The following CARNS1 variants were observed in gnomAD, a reference collection of about 807,000 sequenced individuals.
CARNS1 encodes the protein ATP-grasp domain containing 1.
Under a neutral mutation model 74.0 loss-of-function variants are expected in CARNS1, and 61 were observed. The observed-to-expected ratio is 0.82, with a 90% CI of 0.67 to 1.02. CARNS1 has a LOEUF of 1.02. Ranked by LOEUF, CARNS1 falls within the 50% of genes least tolerant of loss-of-function variation. CARNS1 has a pLI of 0.00. For synonymous variants in CARNS1, 568 were observed against 605.5 expected, an observed-to-expected ratio of 0.94 and a Z score of 0.91; for missense variants, 1,278 against 1,308.4, an observed-to-expected ratio of 0.98 and a Z score of 0.36.
chr11:67,419,255 T>A lies in CARNS1; in HGVS notation c.852+12T>A, dbSNP rs776827156. 63 of 1,468,804 alleles carry A rather than the reference T, an allele frequency of 4.3e-5. 1 individual carries two copies. The Admixed American group carries it at 1.5e-3, about 35-fold the overall frequency. The allele number at this position is 1,468,804 out of a possible 1,614,324, so 91.0% of individuals were successfully genotyped here. The stretch of plus-strand genomic sequence containing the variant: ...GTGATATCCTGCAGGTAACAGACTC[T>A]CGCCCACCCTGAGGTCTGTACAGAT... On this transcript the variant is annotated intron_variant, in intron 5 of 9. Transcript: ENST00000687366.
chr11:67,424,860 G>GCC lies in CARNS1; in HGVS notation c.*260_*261dup, dbSNP rs1863794721. ...TTCTAGCCTTGGAGAAATGACAATGGCCACACACACACACACACACACACA... is the reference window on the plus strand; with the variant it reads ...TTCTAGCCTTGGAGAAATGACAATGGCCCCACACACACACACACACACACACA... On this transcript the variant is annotated 3_prime_UTR_variant, in exon 10 of 10. Coordinates refer to ENST00000687366, the MANE Select transcript of CARNS1 (RefSeq NM_001166222.2). 8.1e-5 allele frequency: 40 copies of GCC among 496,250 alleles called. No homozygotes were observed. Among genetic ancestry groups the GCC allele is most frequent in the South Asian group, 7.2e-4 (39 of 54,166 alleles). 30.7% of individuals were successfully genotyped at this position (496,250 alleles called of 1,614,324 possible).
chr11:67,423,250 C>T lies in CARNS1; in HGVS notation c.1627-125C>T. The T allele has an allele frequency of 2.1e-6, 2 of 940,934 alleles. No individual in the cohort carries two copies. The highest frequency in any genetic ancestry group is 3.2e-6 in the Non-Finnish European group (2 of 625,866). The allele number at this position is 940,934 out of a possible 1,614,324, so 58.3% of individuals were successfully genotyped here. A position where few individuals can be genotyped will look rare whatever the true frequency, so the allele number is the denominator to read the frequency against. On this transcript the variant is annotated intron_variant, in intron 9 of 9. Coordinates refer to ENST00000687366, the MANE Select transcript of CARNS1 (RefSeq NM_001166222.2). The surrounding 1 kb of genome is among the most constrained non-coding windows in gnomAD (Gnocchi z 5.1). ...ATTTATTCAGTCAATCCACAACACA[C>T]ATTTATTGAGCACCTAGTGTTTGTG...
chr11:67,418,900 G>A lies in CARNS1; in HGVS notation c.509G>A (p.Arg170His), dbSNP rs368228836. ...LTFLDDFVPP[R>H]RATYFLAGLG... ...TTCCTGGATGACTTTGTCCCCCCGC[G>A]CCGTGCCACCTACTTTTTGGCAGGC... The change falls in exon 5 of 10, where the codon CGC (arginine) becomes CAC (histidine). Residue 170 changes from arginine to histidine, a missense_variant. Physicochemically the swap from Arg to His is conservative, Grantham distance 29. This residue lies in a region of CARNS1 where 1,164 missense variants were observed against 1,156.5 expected (regional missense o/e 1.01). Coordinates refer to ENST00000687366, the MANE Select transcript of CARNS1 (RefSeq NM_001166222.2). 7 of 1,595,260 alleles carry A rather than the reference G, an allele frequency of 4.4e-6. No homozygotes were observed. The highest frequency in any genetic ancestry group is 4.3e-6 in the Non-Finnish European group (5 of 1,170,808).
At position 67,424,747 on chromosome 11, in the gene CARNS1, G is replaced by A; in HGVS notation, c.*146G>A. 1 of 987,568 alleles carries A rather than the reference G, an allele frequency of 1.0e-6. No individual in the cohort carries two copies. Among genetic ancestry groups the A allele is most frequent in the Non-Finnish European group, 1.5e-6 (1 of 687,838 alleles). The allele number at this position is 987,568 out of a possible 1,614,324, so 61.2% of individuals were successfully genotyped here. A position where few individuals can be genotyped will look rare whatever the true frequency, so the allele number is the denominator to read the frequency against. On this transcript the variant is annotated 3_prime_UTR_variant, in exon 10 of 10. Transcript: ENST00000687366. ...CAATGCCTAGGTCTGTTCCAGAGCA[G>A]CAGGGCAATTTAGACACCAAGGCAT...
chr11:67,422,093 C>T (rs186765529), intron 9 of CARNS1, among the ~76,000 whole-genome samples: 3,765 of 149,742 alleles, frequency 0.025, 61 homozygotes, highest in East Asian at 0.05. Flanking sequence ...AGGATGGTCT[C>T]GATCTCCTGA....
chr11:67,424,423 G>A lies in CARNS1; in HGVS notation c.2675G>A (p.Arg892His), dbSNP rs772366165. ...GCCCTGCACGACCGTGGACTGCTACGCCTCAATCTGCTGGAGGAGGCCCTG... is the reference window on the plus strand; with the variant it reads ...GCCCTGCACGACCGTGGACTGCTACACCTCAATCTGCTGGAGGAGGCCCTG... ...LQALHDRGLL[R>H]LNLLEEALVP... Residue 892 changes from arginine (R) to histidine (H), a missense_variant, in exon 10 of 10, where the codon CGC (arginine) becomes CAC (histidine). Arg to His is a conservative substitution (Grantham distance 29). Coordinates refer to ENST00000687366, the MANE Select transcript of CARNS1 (RefSeq NM_001166222.2). The A allele has an allele frequency of 1.6e-5, 25 of 1,588,126 alleles. No homozygotes were observed. Among genetic ancestry groups the A allele is most frequent in the Middle Eastern group, 2.0e-4 (1 of 4,916 alleles).
chr11:67,416,916 A>C, intron 2 of CARNS1: 1 of 987,186 alleles, frequency 1.0e-6, no homozygotes, highest in Non-Finnish European at 1.2e-6. Context: ...TGACAGTGGA[A>C]TCACATTTAG....
Position 67,418,648 on chromosome 11 carries a change from T to C in CARNS1, c.365-108T>C, listed in dbSNP as rs78200432. ...CATTCCACCGGAGCAGCTGCCATGC[T>C]GAATGGGGATGGGTTCTGGGATCAG... On this transcript the variant is annotated intron_variant, in intron 4 of 9. Coordinates refer to ENST00000687366, the MANE Select transcript of CARNS1 (RefSeq NM_001166222.2). The C allele has an allele frequency of 1.2e-3, 1,759 of 1,444,138 alleles. 13 individuals carry two copies. The African/African-American group carries it at 0.014, about 12-fold the overall frequency. The allele number at this position is 1,444,138 out of a possible 1,614,324, so 89.5% of individuals were successfully genotyped here.
intron 9 of CARNS1, among the ~76,000 whole-genome samples, chr11:67,422,644 C>T (rs1158656772): frequency 6.6e-6 from 1 of 152,150 alleles, no homozygotes; most frequent in African/African-American, 2.4e-5. Flanking sequence ...CATTCTTATC[C>T]CCATTGAACA....
chr11:67,415,784 C>T (rs1330817644), intron 1 of CARNS1, 21 bp downstream of exon 1: 1 of 155,814 alleles, frequency 6.4e-6, no homozygotes, highest in Non-Finnish European at 1.4e-5. Context: ...TCCGGCCCCG[C>T]CCCGGGGAGA....
In CARNS1 at chr11:67,419,559, G is replaced by T. The variant is rs1411631801; in HGVS notation, c.925G>T (p.Gly309Cys). ...GCGTCTGCACCCGCGGGCAGAGCTG[G>T]GTGCAGTGGTGGACACAGTGCTGGC... ...AWRLHPRAEL[G>C]AVVDTVLALL... Residue 309 changes from glycine to cysteine, a missense_variant, in exon 6 of 10, where the codon GGT becomes TGT. By Grantham distance (159) the Gly-to-Cys change is radical. Transcript: ENST00000687366. The T allele has an allele frequency of 9.3e-6, 15 of 1,607,336 alleles. No homozygotes were observed. Among genetic ancestry groups the T allele is most frequent in the Non-Finnish European group, 1.2e-5 (14 of 1,178,532 alleles).
In CARNS1 at chr11:67,419,038, C is replaced by G. The variant is rs1316270837; in HGVS notation, c.647C>G (p.Thr216Arg). 6.4e-7 allele frequency: 1 copy of G among 1,557,698 alleles called. No homozygotes were observed. Among genetic ancestry groups the G allele is most frequent in the South Asian group, 1.2e-5 (1 of 84,584 alleles). Residue 216 changes from threonine to arginine, a missense_variant, in exon 5 of 10, where the codon ACA becomes AGA. Physicochemically the swap from Thr to Arg is moderately conservative, Grantham distance 71. Transcript: ENST00000687366. ...CGGCTGCTGGAGGACCGGCTGCTGA[C>G]AAGGCAGTTGCTGGCCCAGCAGGGT... ...LARLLEDRLL[T>R]RQLLAQQGGV... is the part of the protein sequence containing the mutation.
chr11:67,419,613 A>AGTGTCCTG lies in CARNS1; in HGVS notation c.983_990dup (p.Glu331SerfsTer42). On this transcript the variant is annotated frameshift_variant, in exon 6 of 10. Transcript: ENST00000687366. LOFTEE classifies it high-confidence loss of function. ...GCTGGAGAAGCTGGAGGAGGAGGAG[A>AGTGTCCTG]GTGTCCTGGTGGAGGCTGTGTACCC... is the stretch of plus-strand genomic sequence containing the variant. 2 of 1,603,040 alleles carry AGTGTCCTG rather than the reference A, an allele frequency of 1.2e-6. No homozygotes were observed. Among genetic ancestry groups the AGTGTCCTG allele is most frequent in the Non-Finnish European group, 1.7e-6 (2 of 1,176,290 alleles).
At chr11:67,421,382 A>G (rs974146101) in intron 9 of CARNS1, among the ~76,000 whole-genome samples, 163 bp downstream of exon 9, 15 of 152,174 alleles carry the variant, frequency 9.9e-5, no homozygotes, top group Non-Finnish European at 1.9e-4. Context: ...AAGTAAGCCC[A>G]GGAGTAAGGG....
At position 67,419,514 on chromosome 11, in the gene CARNS1, T is replaced by C; in HGVS notation, c.880T>C (p.Trp294Arg). Residue 294 changes from tryptophan (W) to arginine (R), a missense_variant, in exon 6 of 10, where the codon TGG (tryptophan) becomes CGG (arginine). Physicochemically the swap from Trp to Arg is moderately radical, Grantham distance 101. Coordinates refer to ENST00000687366, the MANE Select transcript of CARNS1 (RefSeq NM_001166222.2). The part of the protein sequence containing the change: ...QVAVKLSGWR[W>R]RGRQAWRLHP... ...AGCTGTGAAGCTCAGTGGCTGGCGC[T>C]GGCGGGGGCGGCAGGCATGGCGTCT... is the stretch of plus-strand genomic sequence containing the variant. 1 of 1,610,762 alleles carries C rather than the reference T, an allele frequency of 6.2e-7. No homozygotes were observed. Among genetic ancestry groups the C allele is most frequent in the Non-Finnish European group, 8.5e-7 (1 of 1,179,424 alleles).
chr11:67,418,747 T>C lies in CARNS1; in HGVS notation c.365-9T>C. On this transcript the variant is annotated splice_polypyrimidine_tract_variant and intron_variant, in intron 4 of 9. Transcript: ENST00000687366. ...TCCCTGGCCAGCCACTTGCCTTCTC[T>C]GCCCACAGGAAACATGCTCCTTTGC... The C allele has an allele frequency of 6.4e-7, 1 of 1,572,468 alleles. No individual in the cohort carries two copies. Among genetic ancestry groups the C allele is most frequent in the Non-Finnish European group, 8.6e-7 (1 of 1,157,736 alleles).
At chr11:67,418,003 G>T (rs1863591073) in intron 3 of CARNS1, among the ~76,000 whole-genome samples, 1 of 152,192 alleles carries the variant, frequency 6.6e-6, no homozygotes, top group African/African-American at 2.4e-5. Flanking sequence ...CAGCAGCTGA[G>T]ACCCCCCAGA....
chr11:67,421,370 A>T (rs1311258409), intron 9 of CARNS1, among the ~76,000 whole-genome samples, 151 bp downstream of exon 9: 2 of 152,192 alleles, frequency 1.3e-5, no homozygotes, highest in Non-Finnish European at 2.9e-5. Flanking sequence ...CTGGCCAGGT[A>T]CAAGTAAGCC....
chr11:67,419,665 A>G lies in CARNS1; in HGVS notation c.1027+4A>G. On this transcript the variant is annotated splice_donor_region_variant and intron_variant, in intron 6 of 9. Transcript: ENST00000687366. ...CCTGCCCAGCTGCCCTGCTCAGGTG[A>G]GAGCCACCTGGGCTGACCAGGGATG... 6.3e-7 allele frequency: 1 copy of G among 1,592,354 alleles called. No homozygotes were observed. Among genetic ancestry groups the G allele is most frequent in the Non-Finnish European group, 8.5e-7 (1 of 1,170,028 alleles).
Sources: gnomAD v4.1 joint callset for allele counts (sites outside exome capture counted in the v4.1 genomes callset) on GRCh38, gnomAD v4.1.1 for gene constraint, gnomAD v4.1.1 regional missense constraint, Gnocchi (gnomAD v3.1) non-coding constraint, MANE v1.5 for transcripts, NCBI Gene and HGNC (gene_info 2026-07-23, HGNC 2026-07-21) for gene names.